ATP7B: variants seen among roughly 807,000 people sequenced by gnomAD.
ATP7B encodes the protein copper-transporting ATPase 2.
A neutral mutation model predicts 118.9 loss-of-function variants in ATP7B; 113 were observed. The observed-to-expected ratio is 0.95, with a 90% CI of 0.82 to 1.11. The LOEUF (loss-of-function observed/expected upper bound fraction) is 1.11, where lower values mean the gene tolerates loss of function less well. Among genes scored for constraint, ATP7B ranks in the 50% most tolerant of loss-of-function variants. The pLI is 0.00. For missense variants in ATP7B, 1,867 were observed against 1,871.4 expected, an observed-to-expected ratio of 1.00 and a Z score of 0.04; for synonymous variants, 777 against 727.4, an observed-to-expected ratio of 1.07 and a Z score of -1.10.
In ATP7B at chr13:51,968,749, T is replaced by C. The variant is rs78699520; in HGVS notation, c.1544-142A>G. The C allele has an allele frequency of 2.1e-3, 2,230 of 1,051,182 alleles. 31 individuals are homozygous for C. In the African/African-American group the frequency reaches 0.029, roughly 14 times the overall value. 65.1% of individuals were successfully genotyped at this position (1,051,182 alleles called of 1,614,324 possible). A position where few individuals can be genotyped will look rare whatever the true frequency, so the allele number is the denominator to read the frequency against. ...TTCAAACACTGTTTGAAAATGAGGC[T>C]GCACATGAGGCTTGCTTGGAAAGCC... On this transcript the variant is annotated intron_variant, in intron 3 of 20. Transcript: ENST00000242839.
At chr13:51,999,739 C>T (rs760193611) in intron 1 of ATP7B, among the ~76,000 whole-genome samples, 1 of 152,154 alleles carries the variant, frequency 6.6e-6, no homozygotes, top group African/African-American at 2.4e-5. Context: ...AACGCACATC[C>T]AGGCTGGCTG....
intron 1 of ATP7B, among the ~76,000 whole-genome samples, chr13:51,999,272 T>C (rs914121413): frequency 1.3e-5 from 2 of 152,068 alleles, no homozygotes; most frequent in African/African-American, 4.8e-5. Context: ...CCTCAAACAC[T>C]AGGTGCTGGG....
intron 1 of ATP7B, among the ~76,000 whole-genome samples, chr13:51,993,294 A>G (rs923687418): frequency 6.6e-6 from 1 of 151,510 alleles, no homozygotes; most frequent in African/African-American, 2.4e-5. Context: ...GCTGCCAGGC[A>G]CGGTGGCTCA....
intron 10 of ATP7B, 33 bp from the exon 11 acceptor site, chr13:51,950,194 T>G (rs1012764147): frequency 1.2e-6 from 2 of 1,614,212 alleles, no homozygotes; most frequent in East Asian, 4.5e-5. Flanking sequence ...TGTCACTTGC[T>G]CAGCCCCATC....
chr13:51,942,569 A>G lies in ATP7B; in HGVS notation c.3244-15T>C. ...GTTCCAAGTTCCTGGGAAGGTGGAA[A>G]GAGAGGAAGAGGAAACTGTAAGCCA... On this transcript the variant is annotated splice_polypyrimidine_tract_variant and intron_variant, in intron 14 of 20. Coordinates refer to ENST00000242839, the MANE Select transcript of ATP7B (RefSeq NM_000053.4). The G allele has an allele frequency of 6.2e-7, 1 of 1,613,910 alleles. No homozygotes were observed. Among genetic ancestry groups the G allele is most frequent in the Non-Finnish European group, 8.5e-7 (1 of 1,179,976 alleles).
At position 51,972,738 on chromosome 13, in the gene ATP7B, G is replaced by A. The variant is rs538639881; in HGVS notation, c.1285+1197C>T. Among the ~76,000 whole-genome samples the A allele has an allele frequency of 1.4e-4, 21 of 152,292 alleles. No homozygotes were observed. In the South Asian group the frequency reaches 3.9e-3, roughly 29 times the overall value. ...ATGGTGGCTGAGCATAGTGGCTCAC[G>A]CCTGCAATCCCAGCACTTTGGGAGG... On this transcript the variant is annotated intron_variant, in intron 2 of 20. Transcript: ENST00000242839.
At chr13:51,957,691 A>AAC (rs1958444825) in intron 8 of ATP7B, 84 bp from the exon 9 acceptor site, 1 of 1,360,452 alleles carries the variant, frequency 7.4e-7, no homozygotes, top group African/African-American at 1.4e-5. Flanking sequence ...GCGTGGTGTT[A>AAC]GAGACAGCTG....
In ATP7B at chr13:51,944,212, T is replaced by A. The variant is rs1395504465; in HGVS notation, c.3140A>T (p.Asp1047Val). The change falls in exon 14 of 21, where the codon GAT becomes GTT. Residue 1047 changes from aspartate (D) to valine (V), a missense_variant. Asp to Val is a radical substitution (Grantham distance 152). Coordinates refer to ENST00000242839, the MANE Select transcript of ATP7B (RefSeq NM_000053.4). ...CTTCCTGAGGGGCAGTGTGGCCACATCCCCCAGCAGGAGCACCCGCATGAC... is the reference window on the plus strand; with the variant it reads ...CTTCCTGAGGGGCAGTGTGGCCACAACCCCCAGCAGGAGCACCCGCATGAC... ...PRVMRVLLLG[D>V]VATLPLRKVL... is the part of the protein sequence containing the mutation. 2.5e-6 allele frequency: 4 copies of A among 1,613,944 alleles called. No homozygotes were observed. The highest frequency in any genetic ancestry group is 2.2e-5 in the East Asian group (1 of 44,868).
chr13:51,975,205 A>T (rs1277226260), intron 1 of ATP7B, 37 bp from the exon 2 acceptor site: 2 of 1,608,510 alleles, frequency 1.2e-6, no homozygotes, highest in Non-Finnish European at 1.7e-6. Flanking sequence ...TAACCTTGAA[A>T]CCAAATATTT....
chr13:51,979,971 G>A (rs1952333125), intron 1 of ATP7B, among the ~76,000 whole-genome samples: 1 of 152,152 alleles, frequency 6.6e-6, no homozygotes, highest in African/African-American at 2.4e-5. Context: ...AAACACTAAA[G>A]TATCTGTTGG....
intron 1 of ATP7B, among the ~76,000 whole-genome samples, chr13:51,991,042 C>T (rs1212581607): frequency 1.3e-5 from 2 of 151,894 alleles, no homozygotes; most frequent in Non-Finnish European, 2.9e-5. Context: ...GAGCCAAGAT[C>T]GCGCCACTGC....
chr13:51,957,205 G>C (rs1958405797), intron 9 of ATP7B, among the ~76,000 whole-genome samples: 1 of 152,070 alleles, frequency 6.6e-6, no homozygotes, highest in South Asian at 2.1e-4. Flanking sequence ...TTACTAGGAA[G>C]GCCTAATTCA....
rs559728610 is a variant in ATP7B at position 52,009,556 on chromosome 13, T to C, written c.51+1731A>G. On this transcript the variant is annotated intron_variant, in intron 1 of 20. Transcript: ENST00000242839. ...GATAGTATAATTGTGGCAACCACCT[T>C]GCCTTCCTTTGAGATCTTATGTTGT... Among the ~76,000 whole-genome samples, 3 of 152,356 alleles carry C rather than the reference T, an allele frequency of 2.0e-5. No individual in the cohort carries two copies. The East Asian group carries it at 5.8e-4, about 29-fold the overall frequency.
rs1320827050 is a variant in ATP7B at position 51,946,446 on chromosome 13, C to T, written c.2898G>A (p.Val966=). 1.9e-6 allele frequency: 3 copies of T among 1,614,234 alleles called. No homozygotes were observed. In the South Asian group the frequency reaches 3.3e-5, roughly 18 times the overall value. The change falls in exon 13 of 21, where the codon GTG becomes GTA. Residue 966 remains valine (V), a synonymous_variant. Transcript: ENST00000242839. ...ACGTCTGGAAAGCAAACCGGATGAT[C>T]ACCTCTGTCTGGGAGATGTGCTTGT... ...NPNKHISQTE[V]IIRFAFQTSI...
rs565970531 is a variant in ATP7B, at chr13:51,937,273, T to C, written c.4021+3A>G. Reference sequence around the variant, plus strand: ...TGGAGCACAGTGGGTAAGAGCTGCCTACCTGCTGCAATGGGTATCCCAACC... The same window carrying C: ...TGGAGCACAGTGGGTAAGAGCTGCCCACCTGCTGCAATGGGTATCCCAACC... On this transcript the variant is annotated splice_donor_region_variant and intron_variant, in intron 19 of 20. Coordinates refer to ENST00000242839, the MANE Select transcript of ATP7B (RefSeq NM_000053.4). 231 of 1,613,108 alleles carry C rather than the reference T, an allele frequency of 1.4e-4. 3 individuals are homozygous for C. The South Asian group carries it at 2.3e-3, about 16-fold the overall frequency.
At chr13:51,976,242 T>G (rs1952113273) in intron 1 of ATP7B, among the ~76,000 whole-genome samples, 1 of 152,248 alleles carries the variant, frequency 6.6e-6, no homozygotes, top group Admixed American at 6.5e-5. Flanking sequence ...TACACAATCC[T>G]GCTTGTCTTC....
chr13:51,998,678 G>A (rs1350245569), intron 1 of ATP7B, among the ~76,000 whole-genome samples: 5 of 151,982 alleles, frequency 3.3e-5, no homozygotes, highest in South Asian at 2.1e-4. Context: ...CCTCCTATTC[G>A]CCTTCCCAGT....
At chr13:51,954,895 C>T (rs778580008) in intron 9 of ATP7B, among the ~76,000 whole-genome samples, 2 of 152,104 alleles carry the variant, frequency 1.3e-5, no homozygotes, top group African/African-American at 2.4e-5. Context: ...GTCCCAGTGA[C>T]GGTGTGTAAC....
At chr13:51,972,172 T>G (rs1432331624) in intron 2 of ATP7B, among the ~76,000 whole-genome samples, 6 of 152,158 alleles carry the variant, frequency 3.9e-5, no homozygotes, top group Non-Finnish European at 1.5e-5. Flanking sequence ...ATCCCTAATC[T>G]AAGCTACTAG....
Sources: allele counts gnomAD v4.1 joint callset (sites outside exome capture counted in the v4.1 genomes callset), GRCh38; gene constraint gnomAD v4.1.1; transcripts MANE v1.5; gene names NCBI Gene and HGNC (gene_info 2026-07-23, HGNC 2026-07-21).